Variants in YY1 observed in about 807,000 individuals in gnomAD.
YY1 encodes the protein YY1 transcription factor, also known as transcriptional repressor protein YY1.
Under a neutral mutation model 35.6 loss-of-function variants are expected in YY1, and 2 were observed. That is an observed-to-expected ratio of 0.06 (90% CI 0.02 to 0.18). The LOEUF is 0.18. YY1 is among the 10% of genes least tolerant of loss of function. YY1 has a pLI of 1.00. For missense variants in YY1, 322 were observed against 573.4 expected (o/e 0.56, Z 4.48); for synonymous variants, 268 against 238.9 (o/e 1.12, Z -1.12).
At chr14:100,247,589 C>T (rs551486503) in intron 1 of YY1, among the ~76,000 whole-genome samples, 1 of 152,002 alleles carries the variant, frequency 6.6e-6, no homozygotes, top group African/African-American at 2.4e-5. Context: ...GACTTGGATG[C>T]AGAAGATAAC....
Position 100,277,674 on chromosome 14 carries a change from C to G in YY1, c.*74C>G, listed in dbSNP as rs1891343583. Reference sequence around the variant, plus strand: ...TGTGATTGGGAATAAATATGCCTCTCCTTTGTATATTATTTCTAGGAAGAA... The same window carrying G: ...TGTGATTGGGAATAAATATGCCTCTGCTTTGTATATTATTTCTAGGAAGAA... On this transcript the variant is annotated 3_prime_UTR_variant, in exon 5 of 5. Coordinates refer to ENST00000262238, the MANE Select transcript of YY1 (RefSeq NM_003403.5). This position sits in a 1 kb window ranked among gnomAD's most constrained non-coding sequence, Gnocchi z 5.6. 6.9e-7 allele frequency: 1 copy of G among 1,451,288 alleles called. No individual in the cohort carries two copies. Among genetic ancestry groups the G allele is most frequent in the Non-Finnish European group, 9.6e-7 (1 of 1,045,956 alleles). 89.9% of individuals were successfully genotyped at this position (1,451,288 alleles called of 1,614,324 possible). A position where few individuals can be genotyped will look rare whatever the true frequency, so the allele number is the denominator to read the frequency against.
chr14:100,266,950 G>A (rs1891164643), intron 2 of YY1, among the ~76,000 whole-genome samples: 1 of 152,150 alleles, frequency 6.6e-6, no homozygotes, highest in South Asian at 2.1e-4. Flanking sequence ...TCAGAAGGAA[G>A]ATTTCCTAGT....
intron 1 of YY1, among the ~76,000 whole-genome samples, chr14:100,240,784 G>C (rs1236036749): frequency 6.6e-6 from 1 of 152,024 alleles, no homozygotes; most frequent in African/African-American, 2.4e-5. Context: ...AGTCACTTAC[G>C]TTTTGGGAAA....
chr14:100,270,851 C>T (rs1891227286), intron 2 of YY1, among the ~76,000 whole-genome samples: 1 of 151,964 alleles, frequency 6.6e-6, no homozygotes, highest in African/African-American at 2.4e-5. Flanking sequence ...GTCTGGGCAA[C>T]ATGGTGAAAC....
chr14:100,246,466 G>A (rs61992934), intron 1 of YY1, among the ~76,000 whole-genome samples: 1 of 152,148 alleles, frequency 6.6e-6, no homozygotes, highest in Non-Finnish European at 1.5e-5. Flanking sequence ...TGGACCTTGT[G>A]GGGATGTGGG....
chr14:100,259,383 G>A (rs920726076), intron 1 of YY1, among the ~76,000 whole-genome samples: 1 of 152,162 alleles, frequency 6.6e-6, no homozygotes, highest in African/African-American at 2.4e-5. Context: ...AGCTGGGCAT[G>A]GTGGTGTGTG....
At chr14:100,259,160 G>C (rs941145286) in intron 1 of YY1, among the ~76,000 whole-genome samples, 1 of 152,152 alleles carries the variant, frequency 6.6e-6, no homozygotes, top group Middle Eastern at 3.2e-3. Flanking sequence ...TGAAAATTTC[G>C]GAGTACCTAT....
intron 2 of YY1, among the ~76,000 whole-genome samples, chr14:100,270,186 C>G (rs993247160): frequency 7.3e-6 from 1 of 137,380 alleles, no homozygotes; most frequent in Non-Finnish European, 1.5e-5. Flanking sequence ...TGGCCTGAAC[C>G]TGGGAGGCGG....
At position 100,276,384 on chromosome 14, in the gene YY1, T is replaced by A; in HGVS notation, c.904-106T>A. The A allele has an allele frequency of 6.8e-7, 1 of 1,462,692 alleles. No individual in the cohort carries two copies. The highest frequency in any genetic ancestry group is 1.2e-5 in the South Asian group (1 of 86,496). 90.6% of individuals were successfully genotyped at this position (1,462,692 alleles called of 1,614,324 possible). ...TACTAAGTAAAATTAAAATGGGGGG[T>A]TGGGGAGGTGGTTTTGTTTTAATAT... On this transcript the variant is annotated intron_variant, in intron 3 of 4. Coordinates refer to ENST00000262238, the MANE Select transcript of YY1 (RefSeq NM_003403.5). This position sits in a 1 kb window ranked among gnomAD's most constrained non-coding sequence, Gnocchi z 4.1.
At chr14:100,242,614 T>G (rs184497450) in intron 1 of YY1, among the ~76,000 whole-genome samples, 5 of 152,160 alleles carry the variant, frequency 3.3e-5, no homozygotes, top group African/African-American at 1.2e-4. Context: ...GGTCTTGATC[T>G]CCTAACCTCG....
intron 1 of YY1, among the ~76,000 whole-genome samples, chr14:100,259,851 A>G (rs1891056131): frequency 6.6e-6 from 1 of 152,218 alleles, no homozygotes; most frequent in South Asian, 2.1e-4. Flanking sequence ...GTGGGACCAG[A>G]CAGCATTGGA....
At chr14:100,240,141 G>A (rs1595310113) in intron 1 of YY1, among the ~76,000 whole-genome samples, 1 of 145,912 alleles carries the variant, frequency 6.9e-6, no homozygotes, top group Admixed American at 6.8e-5. Flanking sequence ...GGCGCCGCCC[G>A]GCTAGGCCGC....
intron 1 of YY1, among the ~76,000 whole-genome samples, chr14:100,249,748 G>GTT (rs57119106): frequency 0.21 from 29,000 of 140,882 alleles, 3,007 homozygotes; most frequent in Middle Eastern, 0.32. Context: ...GCTACTTACC[G>GTT]TTTTTTTTTT....
chr14:100,276,618 A>G lies in YY1; in HGVS notation c.1032A>G (p.Gln344=), dbSNP rs1891321521. 2.5e-6 allele frequency: 4 copies of G among 1,614,236 alleles called. No individual in the cohort carries two copies. Among genetic ancestry groups the G allele is most frequent in the Non-Finnish European group, 1.7e-6 (2 of 1,180,034 alleles). The change falls in exon 4 of 5, where the codon CAA becomes CAG. Residue 344 remains glutamine, a synonymous_variant. Coordinates refer to ENST00000262238, the MANE Select transcript of YY1 (RefSeq NM_003403.5). The surrounding 1 kb of genome is among the most constrained non-coding windows in gnomAD (Gnocchi z 4.1). ...FVESSKLKRH[Q]LVHTGEKPFQ... ...AGAGTTCAAAACTAAAACGACACCA[A>G]CTGGTTCATACTGGAGAGAAGCCCT...
chr14:100,241,252 T>C (rs1890736528), intron 1 of YY1, among the ~76,000 whole-genome samples: 1 of 152,246 alleles, frequency 6.6e-6, no homozygotes, highest in South Asian at 2.1e-4. Flanking sequence ...GTGGAACCTC[T>C]TCCCTATAAG....
Position 100,277,009 on chromosome 14 carries a change from C to T in YY1, c.1062+361C>T. On this transcript the variant is annotated intron_variant, in intron 4 of 4. Coordinates refer to ENST00000262238, the MANE Select transcript of YY1 (RefSeq NM_003403.5). The surrounding 1 kb of genome is among the most constrained non-coding windows in gnomAD (Gnocchi z 5.6). The stretch of plus-strand genomic sequence containing the variant: ...GTATAATTACTAACTGATAAAGTTT[C>T]TAGAGTGTAAGTATAGGTAATACTT... 2.5e-6 allele frequency: 1 copy of T among 406,874 alleles called. No individual in the cohort carries two copies. The highest frequency in any genetic ancestry group is 2.6e-5 in the South Asian group (1 of 39,108). 25.2% of individuals were successfully genotyped at this position (406,874 alleles called of 1,614,324 possible). A position where few individuals can be genotyped will look rare whatever the true frequency, so the allele number is the denominator to read the frequency against.
At chr14:100,255,561 G>A (rs1890993217) in intron 1 of YY1, among the ~76,000 whole-genome samples, 2 of 152,194 alleles carry the variant, frequency 1.3e-5, no homozygotes, top group Non-Finnish European at 2.9e-5. Context: ...AGAGGTTGCG[G>A]TGAGCCAACA....
intron 2 of YY1, among the ~76,000 whole-genome samples, chr14:100,271,955 T>C (rs1292965698): frequency 6.6e-6 from 1 of 152,154 alleles, no homozygotes; most frequent in East Asian, 1.9e-4. Context: ...TAGTTTCAGA[T>C]TTTGGATTTT....
At chr14:100,254,940 A>ATTTTTTTTTTTTTTTTT (rs35165026) in intron 1 of YY1, among the ~76,000 whole-genome samples, 9 of 29,592 alleles carry the variant, frequency 3.0e-4, no homozygotes, top group Admixed American at 6.6e-4. Flanking sequence ...CGCCCAGCTA[A>ATTTTTTTTTTTTTTTTT]TTTTTTTTTT....
Sources: allele counts gnomAD v4.1 joint callset (sites outside exome capture counted in the v4.1 genomes callset), GRCh38; gene constraint gnomAD v4.1.1; non-coding constraint Gnocchi (gnomAD v3.1); transcripts MANE v1.5; gene names NCBI Gene and HGNC (gene_info 2026-07-23, HGNC 2026-07-21).